The following FMNL2 variants were observed in gnomAD, a reference collection of about 807,000 sequenced individuals.
The protein encoded by FMNL2 is formin-like protein 2.
A neutral mutation model predicts 130.2 loss-of-function variants in FMNL2; 51 were observed. The observed-to-expected ratio is 0.39, with a 90% CI of 0.31 to 0.49. The LOEUF (loss-of-function observed/expected upper bound fraction) is 0.49, where lower values mean the gene tolerates loss of function less well. Ranked by LOEUF, FMNL2 falls within the 20% of genes least tolerant of loss-of-function variation. The probability of loss-of-function intolerance (pLI) is 0.85; values close to 1 mark genes in which losing one functional copy is unlikely to be tolerated. For missense variants in FMNL2, 977 were observed against 1,316.2 expected (o/e 0.74, Z 3.99); for synonymous variants, 465 against 467.1 (o/e 1.00, Z 0.06).
chr2:152,524,775 C>T (rs767964357), intron 2 of FMNL2, among the ~76,000 whole-genome samples: 1 of 152,052 alleles, frequency 6.6e-6, no homozygotes, highest in Non-Finnish European at 1.5e-5. Context: ...TGGCCATTTC[C>T]CGTAAGTTTA....
At chr2:152,591,043 G>T (rs1697411263) in intron 9 of FMNL2, among the ~76,000 whole-genome samples, 1 of 114,672 alleles carries the variant, frequency 8.7e-6, no homozygotes, top group Non-Finnish European at 1.7e-5. Flanking sequence ...ATCTCACTCT[G>T]TCACCACCCA....
intron 1 of FMNL2, among the ~76,000 whole-genome samples, chr2:152,473,775 C>G (rs1689982414): frequency 6.6e-6 from 1 of 152,172 alleles, no homozygotes; most frequent in Admixed American, 6.5e-5. Flanking sequence ...ACAGTCTTAG[C>G]ATAAGAAATA....
rs542312872 is a variant in FMNL2 at position 152,545,749 on chromosome 2, A to C, written c.282+2930A>C. On this transcript the variant is annotated intron_variant, in intron 3 of 25. Transcript: ENST00000288670. ...ATCCTCTGTGGCTCCCCATGGGCAC[A>C]TAATTTCTTTTCATAGTGTTTTGCA... Among the ~76,000 whole-genome samples, 4 of 152,324 alleles carry C rather than the reference A, an allele frequency of 2.6e-5. No homozygotes were observed. In the South Asian group the frequency reaches 8.3e-4, roughly 32 times the overall value.
rs181488140 is a variant in FMNL2, at chr2:152,492,672, T to A, written c.118-29271T>A. Among the ~76,000 whole-genome samples the A allele has an allele frequency of 2.2e-4, 34 of 152,340 alleles. 1 individual carries two copies. Among genetic ancestry groups the A allele is most frequent in the Middle Eastern group, 6.8e-3 (2 of 294 alleles). On this transcript the variant is annotated intron_variant, in intron 1 of 25. Coordinates refer to ENST00000288670, the MANE Select transcript of FMNL2 (RefSeq NM_052905.4). Reference sequence around the variant, plus strand: ...TTAGTTTTGATTCAAACAAAAAAACTAGCATTTTAAAAGATCTGGTGTTTC... The same window carrying A: ...TTAGTTTTGATTCAAACAAAAAAACAAGCATTTTAAAAGATCTGGTGTTTC...
chr2:152,479,646 A>T (rs1165729844), intron 1 of FMNL2, among the ~76,000 whole-genome samples: 2 of 151,670 alleles, frequency 1.3e-5, no homozygotes, highest in Non-Finnish European at 2.9e-5. Flanking sequence ...ACTTGGAAAG[A>T]AAAAGCTTAA....
At chr2:152,352,839 G>A (rs1484519092) in intron 1 of FMNL2, among the ~76,000 whole-genome samples, 1 of 93,168 alleles carries the variant, frequency 1.1e-5, no homozygotes, top group African/African-American at 3.1e-5. Context: ...GTTACAGCTT[G>A]AAGGCTGTGT....
Position 152,516,071 on chromosome 2 carries a change from T to C in FMNL2, c.118-5872T>C, listed in dbSNP as rs886216812. 2.6e-5 allele frequency among the ~76,000 whole-genome samples: 4 copies of C among 152,138 alleles called. 1 individual carries two copies. Among genetic ancestry groups the C allele is most frequent in the African/African-American group, 2.4e-5 (1 of 41,438 alleles). ...GCTTGCACCGTCTCATTAGAATTCA[T>C]TGTGCTACCCAGCCATCCAGTTGAA... On this transcript the variant is annotated intron_variant, in intron 1 of 25. Transcript: ENST00000288670.
At chr2:152,378,584 T>G (rs1303458186) in intron 1 of FMNL2, among the ~76,000 whole-genome samples, 2 of 152,208 alleles carry the variant, frequency 1.3e-5, no homozygotes, top group Non-Finnish European at 2.9e-5. Flanking sequence ...GAACTAATGT[T>G]TATTCTCTTC....
chr2:152,342,345 A>G (rs1681859454), intron 1 of FMNL2, among the ~76,000 whole-genome samples: 1 of 152,206 alleles, frequency 6.6e-6, no homozygotes, highest in Non-Finnish European at 1.5e-5. Flanking sequence ...ACTTTTAGGA[A>G]CAAAGCATTG....
At chr2:152,637,769 C>G in intron 23 of FMNL2, 95 bp downstream of exon 23, 8 of 1,078,444 alleles carry the variant, frequency 7.4e-6, no homozygotes, top group Non-Finnish European at 1.1e-5. Context: ...CCTCCCAGTT[C>G]CTGTGGACAG....
chr2:152,590,021 A>G (rs114362244), intron 9 of FMNL2, among the ~76,000 whole-genome samples: 10,991 of 138,302 alleles, frequency 0.079, 714 homozygotes, highest in Non-Finnish European at 0.12. Flanking sequence ...ATATACATAT[A>G]TATATACATA....
At position 152,621,140 on chromosome 2, in the gene FMNL2, C is replaced by A. The variant is rs1022355695; in HGVS notation, c.1837+1422C>A. 5.1e-6 allele frequency: 5 copies of A among 985,282 alleles called. No homozygotes were observed. The African/African-American group carries it at 8.7e-5, about 17-fold the overall frequency. 61.0% of individuals were successfully genotyped at this position (985,282 alleles called of 1,614,324 possible). On this transcript the variant is annotated intron_variant, in intron 15 of 25. Transcript: ENST00000288670. ...CATTATCGTCCCGTGCACCTGGCCACCCTGATTAGGCACTCTTGGTAGCCC... is the reference window on the plus strand; with the variant it reads ...CATTATCGTCCCGTGCACCTGGCCAACCTGATTAGGCACTCTTGGTAGCCC...
intron 9 of FMNL2, among the ~76,000 whole-genome samples, chr2:152,595,507 C>T (rs371605929): frequency 2.0e-5 from 3 of 152,140 alleles, no homozygotes; most frequent in East Asian, 3.9e-4. Flanking sequence ...TTAGTAGAGA[C>T]GGGGTTTTGC....
At chr2:152,589,999 A>ATGTATATTTATGTATATG (rs58850746) in intron 9 of FMNL2, among the ~76,000 whole-genome samples, 1 of 115,938 alleles carries the variant, frequency 8.6e-6, no homozygotes, top group Admixed American at 8.8e-5. Context: ...ATGTATATGT[A>ATGTATATTTATGTATATG]TATATATATA....
chr2:152,500,135 G>C (rs1000490302), intron 1 of FMNL2, among the ~76,000 whole-genome samples: 2 of 152,058 alleles, frequency 1.3e-5, no homozygotes, highest in Admixed American at 1.3e-4. Flanking sequence ...TTGGGTGGGG[G>C]AATCTGTGAA....
At chr2:152,508,755 G>A (rs1329260885) in intron 1 of FMNL2, among the ~76,000 whole-genome samples, 1 of 152,198 alleles carries the variant, frequency 6.6e-6, no homozygotes, top group African/African-American at 2.4e-5. Context: ...TCAGCAGCCA[G>A]GGTCGTGTCC....
In FMNL2 at chr2:152,522,067, A is replaced by T. The variant is rs745363513; in HGVS notation, c.201+41A>T. 2.0e-6 allele frequency: 3 copies of T among 1,497,782 alleles called. No homozygotes were observed. In the African/African-American group the frequency reaches 4.2e-5, roughly 21 times the overall value. The allele number at this position is 1,497,782 out of a possible 1,614,324, so 92.8% of individuals were successfully genotyped here. ...ACTTTCTTTTATGAAAAAAGTAATG[A>T]AAGAAGAGATCCAGTGTGAATTTTA... is the stretch of plus-strand genomic sequence containing the variant. On this transcript the variant is annotated intron_variant, in intron 2 of 25. Coordinates refer to ENST00000288670, the MANE Select transcript of FMNL2 (RefSeq NM_052905.4).
At chr2:152,536,621 T>A (rs1029396086) in intron 2 of FMNL2, among the ~76,000 whole-genome samples, 1 of 152,186 alleles carries the variant, frequency 6.6e-6, no homozygotes, top group African/African-American at 2.4e-5. Flanking sequence ...ATCTAATTCA[T>A]CCCTGAGGAT....
At chr2:152,646,885 CCTGA>C (rs749777719) in intron 25 of FMNL2, among the ~76,000 whole-genome samples, 25 of 152,188 alleles carry the variant, frequency 1.6e-4, no homozygotes, top group Non-Finnish European at 2.9e-4. Context: ...TGGCTAGCTA[CCTGA>C]CTTACTCAAG....
Sources: allele counts gnomAD v4.1 joint callset (sites outside exome capture counted in the v4.1 genomes callset), GRCh38; gene constraint gnomAD v4.1.1; transcripts MANE v1.5; gene names NCBI Gene and HGNC (gene_info 2026-07-23, HGNC 2026-07-21).